The following CSMD1 variants were observed in gnomAD, a reference collection of about 807,000 sequenced individuals.
CSMD1 encodes the protein CUB and sushi domain-containing protein 1.
Under a neutral mutation model 417.5 loss-of-function variants are expected in CSMD1, and 213 were observed. That is an observed-to-expected ratio of 0.51 (90% CI 0.46 to 0.57). The LOEUF (loss-of-function observed/expected upper bound fraction) is 0.57, where lower values mean the gene tolerates loss of function less well. Among genes scored for constraint, CSMD1 ranks in the 20% least tolerant of loss-of-function variants. The pLI, the probability that CSMD1 is intolerant of heterozygous loss-of-function variation, is 0.00. For missense variants in CSMD1, 6,923 were observed against 4,529.7 expected, an observed-to-expected ratio of 1.53 and a Z score of -15.17; for synonymous variants, 2,862 against 1,736.8, an observed-to-expected ratio of 1.65 and a Z score of -16.11.
chr8:3,248,051 T>C (rs1799999813), intron 26 of CSMD1, among the ~76,000 whole-genome samples: 1 of 152,144 alleles, frequency 6.6e-6, no homozygotes, highest in Non-Finnish European at 1.5e-5. Context: ...ACACCGGCTG[T>C]GCAAAGTGGC....
chr8:4,369,740 A>C (rs1184305812), intron 3 of CSMD1, among the ~76,000 whole-genome samples: 1 of 152,050 alleles, frequency 6.6e-6, no homozygotes, highest in East Asian at 1.9e-4. Flanking sequence ...CGTTTTCTCT[A>C]ATATAGAATT....
chr8:4,544,466 G>A (rs1423130898), intron 2 of CSMD1, among the ~76,000 whole-genome samples: 8 of 151,818 alleles, frequency 5.3e-5, no homozygotes, highest in East Asian at 3.9e-4. Flanking sequence ...TCCTTGTAAC[G>A]TTACATAAAA....
chr8:4,261,952 G>GA (rs887761955), intron 3 of CSMD1, among the ~76,000 whole-genome samples: 1 of 151,906 alleles, frequency 6.6e-6, no homozygotes, highest in Admixed American at 6.6e-5. Flanking sequence ...TAACAAAACA[G>GA]AAAAAAAATT....
At chr8:3,302,332 T>G (rs1804478389) in intron 25 of CSMD1, among the ~76,000 whole-genome samples, 1 of 152,146 alleles carries the variant, frequency 6.6e-6, no homozygotes, top group Admixed American at 6.6e-5. Context: ...TCTCCATCGT[T>G]CTCATCACAG....
chr8:3,093,592 C>T (rs894919997), intron 47 of CSMD1, among the ~76,000 whole-genome samples: 4 of 152,014 alleles, frequency 2.6e-5, no homozygotes, highest in African/African-American at 9.7e-5. Context: ...TGCTTGAACC[C>T]AGGAGGTGGA....
chr8:4,218,575 T>G lies in CSMD1; in HGVS notation c.416-186476A>C, dbSNP rs527678690. On this transcript the variant is annotated intron_variant, in intron 3 of 69. Coordinates refer to ENST00000635120, the MANE Select transcript of CSMD1 (RefSeq NM_033225.6). ...TGAGTCAAGTTGTCTATGTTCTCTG[T>G]AATAATGATTAATTTTACAGTTGCT... Among the ~76,000 whole-genome samples, 7 of 152,342 alleles carry G rather than the reference T, an allele frequency of 4.6e-5. No individual in the cohort carries two copies. In the South Asian group the frequency reaches 1.2e-3, roughly 27 times the overall value.
At chr8:3,822,993 T>C (rs1801823766) in intron 5 of CSMD1, among the ~76,000 whole-genome samples, 1 of 152,170 alleles carries the variant, frequency 6.6e-6, no homozygotes. Flanking sequence ...AGGTTCCCTT[T>C]GGTTACGAAG....
intron 2 of CSMD1, among the ~76,000 whole-genome samples, chr8:4,452,027 C>T (rs992039490): frequency 6.6e-6 from 1 of 151,406 alleles, no homozygotes; most frequent in African/African-American, 2.4e-5. Context: ...AGGCAGCCTG[C>T]CTTCTCACCA....
intron 6 of CSMD1, among the ~76,000 whole-genome samples, chr8:3,723,053 AGCT>A (rs1437999235): frequency 6.6e-6 from 1 of 152,196 alleles, no homozygotes; most frequent in Non-Finnish European, 1.5e-5. Context: ...GAACTAGCGC[AGCT>A]GCTTTCTTCT....
chr8:4,169,086 C>T (rs979369442), intron 3 of CSMD1, among the ~76,000 whole-genome samples: 5 of 152,314 alleles, frequency 3.3e-5, no homozygotes, highest in Admixed American at 6.5e-5. Flanking sequence ...TGTAAGCCTG[C>T]TGGCTTAGTC....
intron 1 of CSMD1, among the ~76,000 whole-genome samples, chr8:4,829,737 C>CAAAAAAA: frequency 9.1e-6 from 1 of 110,000 alleles, no homozygotes; most frequent in Non-Finnish European, 1.9e-5. Flanking sequence ...GACCCTGTCT[C>CAAAAAAA]AAAAAAAAAA....
chr8:3,968,208 TA>T (rs1554501906), intron 5 of CSMD1, among the ~76,000 whole-genome samples: 1 of 136,594 alleles, frequency 7.3e-6, no homozygotes, highest in Non-Finnish European at 1.6e-5. Flanking sequence ...ATAATAATAA[TA>T]AATAATAAAA....
At chr8:4,867,936 G>C (rs1257905941) in intron 1 of CSMD1, among the ~76,000 whole-genome samples, 2 of 139,416 alleles carry the variant, frequency 1.4e-5, no homozygotes, top group African/African-American at 5.2e-5. Context: ...TACTGTCTAC[G>C]TGTGTGTGTT....
chr8:4,806,703 A>G (rs1038224700), intron 1 of CSMD1, among the ~76,000 whole-genome samples: 1 of 152,246 alleles, frequency 6.6e-6, no homozygotes, highest in South Asian at 2.1e-4. Flanking sequence ...AGTTTCATGT[A>G]GAGTATGCTT....
intron 6 of CSMD1, among the ~76,000 whole-genome samples, chr8:3,745,988 G>A (rs1435316397): frequency 1.3e-5 from 2 of 152,178 alleles, no homozygotes; most frequent in Non-Finnish European, 2.9e-5. Context: ...GAAGACTTTG[G>A]TGGACAACTT....
At chr8:4,160,151 G>C (rs1220442452) in intron 3 of CSMD1, among the ~76,000 whole-genome samples, 2 of 151,538 alleles carry the variant, frequency 1.3e-5, no homozygotes, top group Non-Finnish European at 2.9e-5. Flanking sequence ...TATTAACTTT[G>C]AAAATTATGA....
At chr8:4,622,963 T>C (rs1341404131) in intron 2 of CSMD1, among the ~76,000 whole-genome samples, 1 of 152,190 alleles carries the variant, frequency 6.6e-6, no homozygotes, top group Non-Finnish European at 1.5e-5. Flanking sequence ...CAAAGTTTTT[T>C]ATATGTCACA....
chr8:4,558,716 A>G (rs1232683932), intron 2 of CSMD1, among the ~76,000 whole-genome samples: 1 of 152,052 alleles, frequency 6.6e-6, no homozygotes, highest in Non-Finnish European at 1.5e-5. Context: ...AAAATACAAA[A>G]AAATTAGCCC....
At chr8:4,604,751 T>C (rs991887214) in intron 2 of CSMD1, among the ~76,000 whole-genome samples, 2 of 152,214 alleles carry the variant, frequency 1.3e-5, no homozygotes, top group African/African-American at 4.8e-5. Context: ...AAATATTGTT[T>C]GCAGTTAATT....
Sources: allele counts gnomAD v4.1 joint callset (sites outside exome capture counted in the v4.1 genomes callset), GRCh38; gene constraint gnomAD v4.1.1; transcripts MANE v1.5; gene names NCBI Gene and HGNC (gene_info 2026-07-23, HGNC 2026-07-21).